The following LRRIQ3 variants were observed in gnomAD, a reference collection of about 807,000 sequenced individuals.
LRRIQ3 encodes the protein leucine rich repeats and IQ motif containing 3.
Under a neutral mutation model 59.3 loss-of-function variants are expected in LRRIQ3, and 75 were observed. That is an observed-to-expected ratio of 1.26 (90% CI 1.05 to 1.53). LRRIQ3 has a LOEUF of 1.53. LRRIQ3 is among the 40% of genes most tolerant of loss of function. LRRIQ3 has a pLI of 0.00. For missense variants in LRRIQ3, 831 were observed against 710.0 expected (o/e 1.17, Z -1.94); for synonymous variants, 250 against 231.3 (o/e 1.08, Z -0.73).
At chr1:74,131,337 T>C (rs1299630617) in intron 4 of LRRIQ3, among the ~76,000 whole-genome samples, 6 of 151,996 alleles carry the variant, frequency 3.9e-5, no homozygotes, top group African/African-American at 7.2e-5. Context: ...AATATTCCAA[T>C]CAATAGAAAA....
At chr1:74,192,506 A>C (rs549226199) in intron 1 of LRRIQ3, among the ~76,000 whole-genome samples, 1 of 152,226 alleles carries the variant, frequency 6.6e-6, no homozygotes, top group Admixed American at 6.5e-5. Flanking sequence ...TATGTATTCA[A>C]TATTTTAAAA....
intron 4 of LRRIQ3, among the ~76,000 whole-genome samples, chr1:74,126,242 T>A (rs1646934612): frequency 6.6e-6 from 1 of 151,554 alleles, no homozygotes; most frequent in Non-Finnish European, 1.5e-5. Context: ...GTCTTCTCTC[T>A]TTTTTTCTTG....
At chr1:74,050,233 T>A (rs898963230) in intron 6 of LRRIQ3, among the ~76,000 whole-genome samples, 9 of 152,154 alleles carry the variant, frequency 5.9e-5, no homozygotes, top group Non-Finnish European at 1.3e-4. Context: ...GCATACTTTT[T>A]AAATAATAAT....
chr1:74,138,134 CTT>C lies in LRRIQ3; in HGVS notation c.707+17597_707+17598del, dbSNP rs543070109. On this transcript the variant is annotated intron_variant, in intron 4 of 7. Transcript: ENST00000354431. ...AAGAAAAGAAATAAATATCCTGGCT[CTT>C]TTGCTTCCTTTAAAAAAACAAACAA... Among the ~76,000 whole-genome samples, 124 of 143,140 alleles carry C rather than the reference CTT, an allele frequency of 8.7e-4. 1 individual carries two copies. The South Asian group carries it at 0.028, about 33-fold the overall frequency. 93.9% of individuals were successfully genotyped at this position (143,140 alleles called of 152,430 possible).
chr1:74,052,083 C>T (rs1346817526), intron 6 of LRRIQ3, among the ~76,000 whole-genome samples: 4 of 152,060 alleles, frequency 2.6e-5, no homozygotes, highest in Admixed American at 2.0e-4. Flanking sequence ...GATCATGACG[C>T]TTCAATCTTT....
chr1:74,065,604 T>C (rs1654844253), intron 6 of LRRIQ3, among the ~76,000 whole-genome samples: 1 of 152,158 alleles, frequency 6.6e-6, no homozygotes, highest in Non-Finnish European at 1.5e-5. Context: ...TTGCTTTAAA[T>C]CATATATCGT....
intron 4 of LRRIQ3, among the ~76,000 whole-genome samples, chr1:74,139,152 GTA>G (rs1647187270): frequency 6.7e-6 from 1 of 150,278 alleles, no homozygotes; most frequent in African/African-American, 2.4e-5. Context: ...ATGTGTGTGT[GTA>G]TATATATACA....
At chr1:74,096,312 A>T (rs1046049643) in intron 5 of LRRIQ3, among the ~76,000 whole-genome samples, 3 of 152,162 alleles carry the variant, frequency 2.0e-5, no homozygotes, top group Non-Finnish European at 4.4e-5. Context: ...CTATATTGGT[A>T]TGGTGGATCC....
intron 6 of LRRIQ3, among the ~76,000 whole-genome samples, chr1:74,047,778 C>T (rs1362270671): frequency 2.0e-5 from 3 of 152,018 alleles, no homozygotes; most frequent in Non-Finnish European, 4.4e-5. Context: ...TGTTTATAAG[C>T]TACCCAGTTT....
At chr1:74,130,238 A>T (rs942691069) in intron 4 of LRRIQ3, among the ~76,000 whole-genome samples, 1 of 152,068 alleles carries the variant, frequency 6.6e-6, no homozygotes, top group Non-Finnish European at 1.5e-5. Context: ...AGAGCACTTT[A>T]GCCCCGGGTA....
At chr1:74,091,301 T>A (rs1226884077) in intron 5 of LRRIQ3, among the ~76,000 whole-genome samples, 1 of 152,110 alleles carries the variant, frequency 6.6e-6, no homozygotes, top group East Asian at 1.9e-4. Flanking sequence ...TTTCTAGTGG[T>A]AGAAAATGGA....
chr1:74,092,616 T>C (rs1222496209), intron 5 of LRRIQ3, among the ~76,000 whole-genome samples: 1 of 152,022 alleles, frequency 6.6e-6, no homozygotes. Context: ...TAGATGTTAC[T>C]TGTAGCTTTT....
intron 4 of LRRIQ3, among the ~76,000 whole-genome samples, chr1:74,141,353 A>G (rs1199024029): frequency 6.6e-6 from 1 of 151,868 alleles, no homozygotes; most frequent in Non-Finnish European, 1.5e-5. Context: ...TCTAAAAATA[A>G]GCATGGATAG....
intron 5 of LRRIQ3, among the ~76,000 whole-genome samples, chr1:74,096,961 G>C (rs7550503): frequency 6.6e-6 from 1 of 152,128 alleles, no homozygotes; most frequent in African/African-American, 2.4e-5. Context: ...TCCCCCTACT[G>C]GGGGATGCCT....
At chr1:74,116,640 A>G (rs918144946) in intron 4 of LRRIQ3, among the ~76,000 whole-genome samples, 1 of 152,110 alleles carries the variant, frequency 6.6e-6, no homozygotes, top group Non-Finnish European at 1.5e-5. Flanking sequence ...TCAGTAGAAA[A>G]ATACAAGGAA....
chr1:74,091,628 C>T (rs1012288591), intron 5 of LRRIQ3, among the ~76,000 whole-genome samples: 1 of 151,910 alleles, frequency 6.6e-6, no homozygotes, highest in African/African-American at 2.4e-5. Flanking sequence ...AGAAAAAGAA[C>T]CATAGAGAAT....
chr1:74,103,092 A>T (rs1192293721), intron 5 of LRRIQ3, among the ~76,000 whole-genome samples: 2 of 151,054 alleles, frequency 1.3e-5, no homozygotes, highest in Non-Finnish European at 2.9e-5. Context: ...AAAAACCACT[A>T]CTTCTCAGAA....
chr1:74,177,597 ATGTT>A (rs1182051615), intron 3 of LRRIQ3, among the ~76,000 whole-genome samples: 24 of 151,846 alleles, frequency 1.6e-4, no homozygotes, highest in Non-Finnish European at 2.4e-4. Context: ...TAGTCTCCTG[ATGTT>A]TGTTTTGTGT....
chr1:74,115,720 G>A (rs1196479815), intron 4 of LRRIQ3, among the ~76,000 whole-genome samples: 2 of 151,876 alleles, frequency 1.3e-5, no homozygotes, highest in South Asian at 4.2e-4. Flanking sequence ...CAAGAATAAA[G>A]GCTAAAAAAC....
Sources: allele counts gnomAD v4.1 joint callset (sites outside exome capture counted in the v4.1 genomes callset), GRCh38; gene constraint gnomAD v4.1.1; transcripts MANE v1.5; gene names NCBI Gene and HGNC (gene_info 2026-07-23, HGNC 2026-07-21).